The following COG7 variants were observed in gnomAD, a reference collection of about 807,000 sequenced individuals.
COG7 encodes the protein component of oligomeric golgi complex 7, also known as conserved oligomeric Golgi complex subunit 7.
COG7 carries 49 observed loss-of-function variants against 91.5 expected under a neutral mutation model. The ratio of observed to expected loss-of-function variants is 0.54; its 90% confidence interval spans 0.43 to 0.68. The LOEUF is 0.68. COG7 is among the 30% of genes least tolerant of loss of function. The pLI is 0.00. For synonymous variants in COG7, 365 were observed against 388.7 expected (o/e 0.94, Z 0.72); for missense variants, 895 against 961.3 (o/e 0.93, Z 0.91).
intron 9 of COG7, chr16:23,416,698 T>C: frequency 2.0e-6 from 1 of 506,160 alleles, no homozygotes; most frequent in Non-Finnish European, 3.6e-6. Flanking sequence ...TCTTTTTTTT[T>C]CTTAACATAC....
intron 8 of COG7, among the ~76,000 whole-genome samples, chr16:23,418,048 C>T (rs1247934498): frequency 6.6e-6 from 1 of 152,152 alleles, no homozygotes; most frequent in Non-Finnish European, 1.5e-5. Flanking sequence ...TGAACCTGCC[C>T]CTGCAGCATT....
intron 3 of COG7, 89 bp from the exon 4 acceptor site, chr16:23,442,734 A>C: frequency 5.9e-6 from 7 of 1,176,676 alleles, no homozygotes; most frequent in South Asian, 1.2e-5. Flanking sequence ...AAGGCAACTC[A>C]TCAAGTATGA....
intron 10 of COG7, chr16:23,412,691 C>A (rs1031976659): frequency 6.6e-6 from 1 of 152,206 alleles, no homozygotes; most frequent in African/African-American, 2.4e-5. Flanking sequence ...TTTCACTGAA[C>A]CTTTTTTGTT....
intron 7 of COG7, among the ~76,000 whole-genome samples, chr16:23,419,641 C>T (rs1045734289): frequency 1.4e-5 from 2 of 147,186 alleles, no homozygotes; most frequent in African/African-American, 2.5e-5. Context: ...TCCTGCTACT[C>T]GGGAGGCTGA....
chr16:23,438,999 C>A (rs888738662), intron 4 of COG7, among the ~76,000 whole-genome samples: 1 of 151,178 alleles, frequency 6.6e-6, no homozygotes, highest in Non-Finnish European at 1.5e-5. Context: ...CTCTACTAAA[C>A]ATACAAAAAT....
intron 4 of COG7, among the ~76,000 whole-genome samples, chr16:23,439,702 A>C (rs1016572209): frequency 9.2e-5 from 14 of 152,300 alleles, no homozygotes; most frequent in Admixed American, 3.9e-4. Flanking sequence ...GGTAGGAGGA[A>C]TGGACAGTTG....
rs749258261 is a variant in COG7 at position 23,392,436 on chromosome 16, A to G, written c.2090T>C (p.Ile697Thr). ...RATMQTYCDA[I>T]LQIPELSPHS... The stretch of plus-strand genomic sequence containing the variant: ...TGGGCTCAGCTCAGGGATCTGTAGG[A>G]TCGCATCACAGTAGGTCTGCATTGT... Residue 697 changes from isoleucine (I) to threonine (T), a missense_variant, in exon 16 of 17, where the codon ATC becomes ACC. Transcript: ENST00000307149. The G allele has an allele frequency of 3.1e-6, 5 of 1,614,164 alleles. No individual in the cohort carries two copies. In the South Asian group the frequency reaches 5.5e-5, roughly 18 times the overall value.
intron 1 of COG7, among the ~76,000 whole-genome samples, chr16:23,448,016 A>G (rs978510758): frequency 2.6e-5 from 4 of 152,160 alleles, no homozygotes; most frequent in African/African-American, 7.2e-5. Context: ...AGAACCTAGA[A>G]AAGAGTTTGT....
At chr16:23,421,673 G>C (rs1017254867) in intron 7 of COG7, among the ~76,000 whole-genome samples, 4 of 151,676 alleles carry the variant, frequency 2.6e-5, no homozygotes, top group African/African-American at 9.7e-5. Flanking sequence ...TGCTGGTGAG[G>C]GGATGGCAAC....
At chr16:23,436,820 G>A (rs570571182) in intron 4 of COG7, among the ~76,000 whole-genome samples, 67 of 152,296 alleles carry the variant, frequency 4.4e-4, no homozygotes, top group African/African-American at 1.5e-3. Flanking sequence ...CCTGTGGGGC[G>A]GGGGAACCCT....
chr16:23,419,918 C>A (rs1963727282), intron 7 of COG7, among the ~76,000 whole-genome samples: 1 of 151,932 alleles, frequency 6.6e-6, no homozygotes. Context: ...GAGCGGATTT[C>A]TTGAGGTTAG....
intron 16 of COG7, among the ~76,000 whole-genome samples, chr16:23,389,666 G>A (rs531576193): frequency 2.0e-5 from 3 of 152,198 alleles, no homozygotes; most frequent in Non-Finnish European, 2.9e-5. Flanking sequence ...ACGCCGCAGT[G>A]AAGACAAGGA....
intron 14 of COG7, among the ~76,000 whole-genome samples, chr16:23,393,874 C>G (rs944288478): frequency 1.3e-5 from 2 of 151,856 alleles, no homozygotes; most frequent in Non-Finnish European, 2.9e-5. Flanking sequence ...AAGCCCTATC[C>G]TACTAAAAGT....
chr16:23,433,819 G>GAAA (rs34978942), intron 5 of COG7, 152 bp from the exon 6 acceptor site: 310 of 593,720 alleles, frequency 5.2e-4, no homozygotes, highest in Middle Eastern at 1.4e-3. Flanking sequence ...AGAAAGGCAG[G>GAAA]AAAAAAAAAA....
In COG7 at chr16:23,453,034, T is replaced by G; in HGVS notation, c.-40A>C. The G allele has an allele frequency of 1.2e-6, 2 of 1,612,308 alleles. No homozygotes were observed. The highest frequency in any genetic ancestry group is 1.7e-6 in the Non-Finnish European group (2 of 1,178,940). ...AGGCCTGGCGTCCAGAACTTAAGAGTTGGCTCCGGGCGGCAACGGGGATGC... is the reference window on the plus strand; with the variant it reads ...AGGCCTGGCGTCCAGAACTTAAGAGGTGGCTCCGGGCGGCAACGGGGATGC... On this transcript the variant is annotated 5_prime_UTR_variant, in exon 1 of 17. Transcript: ENST00000307149.
At chr16:23,425,234 C>T (rs1435830606) in intron 6 of COG7, among the ~76,000 whole-genome samples, 8 of 152,104 alleles carry the variant, frequency 5.3e-5, no homozygotes, top group Non-Finnish European at 8.8e-5. Flanking sequence ...CACTTGAACC[C>T]GGGAGGTGCA....
At position 23,388,563 on chromosome 16, in the gene COG7, T is replaced by C. The variant is rs1963131494; in HGVS notation, c.*357A>G. On this transcript the variant is annotated 3_prime_UTR_variant, in exon 17 of 17. Coordinates refer to ENST00000307149, the MANE Select transcript of COG7 (RefSeq NM_153603.4). ...TTTAAAAAAATTATCTAAAAAGTCT[T>C]CTCTGATAAATAATACATCTTTAAT... 5.3e-6 allele frequency: 1 copy of C among 188,834 alleles called. No homozygotes were observed. The highest frequency in any genetic ancestry group is 1.0e-4 in the South Asian group (1 of 10,042). The allele number at this position is 188,834 out of a possible 1,614,324, so 11.7% of individuals were successfully genotyped here.
At chr16:23,425,190 A>G (rs1484550439) in intron 6 of COG7, among the ~76,000 whole-genome samples, 1 of 152,130 alleles carries the variant, frequency 6.6e-6, no homozygotes, top group Non-Finnish European at 1.5e-5. Flanking sequence ...CATGCCTGTA[A>G]TCCCACCTAT....
intron 13 of COG7, among the ~76,000 whole-genome samples, chr16:23,402,231 C>T (rs946807802): frequency 1.6e-4 from 25 of 152,216 alleles, no homozygotes; most frequent in African/African-American, 5.5e-4. Flanking sequence ...TCCACTGATG[C>T]CCAATCAGCC....
Sources: gnomAD v4.1 joint callset for allele counts (sites outside exome capture counted in the v4.1 genomes callset) on GRCh38, gnomAD v4.1.1 for gene constraint, MANE v1.5 for transcripts, NCBI Gene and HGNC (gene_info 2026-07-23, HGNC 2026-07-21) for gene names.